Variants in NAALADL2 observed in about 807,000 individuals in gnomAD.
NAALADL2 encodes inactive N-acetylated-alpha-linked acidic dipeptidase-like protein 2.
Under a neutral mutation model 87.2 loss-of-function variants are expected in NAALADL2, and 76 were observed. That is an observed-to-expected ratio of 0.87 (90% CI 0.72 to 1.05). The LOEUF (loss-of-function observed/expected upper bound fraction) is 1.05. NAALADL2 is among the 50% of genes least tolerant of loss of function. NAALADL2 has a pLI of 0.00. For missense variants in NAALADL2, 1,089 were observed against 945.8 expected (o/e 1.15, Z -1.99); for synonymous variants, 354 against 331.0 (o/e 1.07, Z -0.75).
At chr3:174,750,269 C>T (rs1396695511) in intron 3 of NAALADL2, among the ~76,000 whole-genome samples, 4 of 152,086 alleles carry the variant, frequency 2.6e-5, no homozygotes, top group South Asian at 2.1e-4. Flanking sequence ...GGGCAAATAT[C>T]GCCAGCCTAT....
intron 5 of NAALADL2, among the ~76,000 whole-genome samples, chr3:175,336,827 C>A (rs2042125): frequency 0.76 from 114,851 of 152,110 alleles, 43,617 homozygotes; most frequent in Non-Finnish European, 0.81. Flanking sequence ...TTTGAACAAA[C>A]CTCTTAAACA....
At chr3:175,238,716 C>G (rs1291539030) in intron 3 of NAALADL2, among the ~76,000 whole-genome samples, 2 of 152,080 alleles carry the variant, frequency 1.3e-5, no homozygotes, top group African/African-American at 4.8e-5. Flanking sequence ...CTCACATGTT[C>G]TAATAGATAA....
intron 3 of NAALADL2, among the ~76,000 whole-genome samples, chr3:175,242,994 A>G (rs1747210791): frequency 6.6e-6 from 1 of 152,180 alleles, no homozygotes; most frequent in Non-Finnish European, 1.5e-5. Flanking sequence ...CACAGGGGAC[A>G]TGAATGGTTA....
intron 5 of NAALADL2, among the ~76,000 whole-genome samples, chr3:175,428,299 C>T (rs1039795247): frequency 2.0e-5 from 3 of 151,974 alleles, no homozygotes; most frequent in Non-Finnish European, 4.4e-5. Context: ...TTGAAGAAAA[C>T]GAAACTCCTT....
chr3:174,851,145 C>T (rs1224163358), intron 3 of NAALADL2, among the ~76,000 whole-genome samples: 2 of 151,810 alleles, frequency 1.3e-5, no homozygotes, highest in African/African-American at 4.8e-5. Context: ...ACAATAAATG[C>T]CTTCATCAAA....
chr3:175,076,182 T>G (rs576396180), intron 1 of NAALADL2, among the ~76,000 whole-genome samples: 2 of 152,230 alleles, frequency 1.3e-5, no homozygotes, highest in African/African-American at 4.8e-5. Context: ...GAGCTGAGAT[T>G]GCGCCACTGC....
At chr3:175,434,067 T>G (rs9851431) in intron 5 of NAALADL2, among the ~76,000 whole-genome samples, 114,586 of 151,684 alleles carry the variant, frequency 0.76, 43,593 homozygotes, top group East Asian at 0.87. Flanking sequence ...GAGCAAAAAT[T>G]AATTTTAATA....
chr3:174,462,693 C>A (rs1161503594), intron 1 of NAALADL2, among the ~76,000 whole-genome samples: 1 of 152,066 alleles, frequency 6.6e-6, no homozygotes, highest in Non-Finnish European at 1.5e-5. Flanking sequence ...ATGGCACTTT[C>A]TTGAAGTGAA....
Position 174,603,338 on chromosome 3 carries a change from T to G in NAALADL2, c.-115+52701T>G, listed in dbSNP as rs145617828. ...GGATTTCTTCATGGTTTCATCTTGG[T>G]AGGTTGTATGTGTCTAAATTTGTCC... On this transcript the variant is annotated intron_variant, in intron 2 of 3. Coordinates refer to the NAALADL2 transcript ENST00000434257. Among the ~76,000 whole-genome samples, 5 of 152,134 alleles carry G rather than the reference T, an allele frequency of 3.3e-5. 1 individual carries two copies. The highest frequency in any genetic ancestry group is 3.3e-4 in the Admixed American group (5 of 15,288).
At chr3:175,116,370 G>A (rs1407637357) in intron 2 of NAALADL2, among the ~76,000 whole-genome samples, 10 of 152,132 alleles carry the variant, frequency 6.6e-5, no homozygotes, top group Non-Finnish European at 1.2e-4. Context: ...ATGCTGATAA[G>A]CAAATTCAGC....
At chr3:175,582,295 T>A (rs2149577264) in intron 10 of NAALADL2, among the ~76,000 whole-genome samples, 1 of 152,260 alleles carries the variant, frequency 6.6e-6, no homozygotes, top group South Asian at 2.1e-4. Flanking sequence ...TACTTCAAAT[T>A]GCCTAATATT....
intron 10 of NAALADL2, among the ~76,000 whole-genome samples, chr3:175,598,439 T>C (rs934834645): frequency 2.0e-5 from 3 of 151,926 alleles, no homozygotes; most frequent in Admixed American, 2.0e-4. Flanking sequence ...ATTTTCTTAA[T>C]GTTAATAATA....
intron 1 of NAALADL2, among the ~76,000 whole-genome samples, chr3:174,933,670 C>A (rs1186504163): frequency 6.6e-6 from 1 of 152,094 alleles, no homozygotes; most frequent in Admixed American, 6.5e-5. Flanking sequence ...AACTAAGTAA[C>A]CATTTTGCTG....
At chr3:175,051,581 A>G (rs528670693) in intron 1 of NAALADL2, among the ~76,000 whole-genome samples, 6 of 152,336 alleles carry the variant, frequency 3.9e-5, no homozygotes, top group African/African-American at 1.4e-4. Flanking sequence ...TCAGCAGAAG[A>G]GTCTCTCGAT....
At chr3:175,555,182 G>A (rs923191044) in intron 9 of NAALADL2, among the ~76,000 whole-genome samples, 2 of 152,158 alleles carry the variant, frequency 1.3e-5, no homozygotes, top group African/African-American at 4.8e-5. Flanking sequence ...ATGAGGGAAT[G>A]ATACAGTACT....
chr3:174,654,312 C>G (rs746796633), intron 2 of NAALADL2, among the ~76,000 whole-genome samples: 1 of 152,014 alleles, frequency 6.6e-6, no homozygotes, highest in African/African-American at 2.4e-5. Flanking sequence ...TGACATTTGA[C>G]TTTTCAAAGC....
intron 1 of NAALADL2, among the ~76,000 whole-genome samples, chr3:174,890,071 C>A (rs1392671614): frequency 6.6e-6 from 1 of 152,102 alleles, no homozygotes; most frequent in African/African-American, 2.4e-5. Context: ...CATGAATGTC[C>A]TTGAGATAAT....
intron 1 of NAALADL2, among the ~76,000 whole-genome samples, chr3:175,080,861 T>C (rs2109237386): frequency 6.6e-6 from 1 of 152,322 alleles, no homozygotes; most frequent in South Asian, 2.1e-4. Context: ...AACTATGTTG[T>C]GTAATTTTAA....
At chr3:175,659,764 T>C (rs1731992454) in intron 11 of NAALADL2, among the ~76,000 whole-genome samples, 1 of 152,174 alleles carries the variant, frequency 6.6e-6, no homozygotes, top group African/African-American at 2.4e-5. Flanking sequence ...TTGAGATTTC[T>C]GTATCACACC....
Sources: gnomAD v4.1 joint callset for allele counts (sites outside exome capture counted in the v4.1 genomes callset) on GRCh38, gnomAD v4.1.1 for gene constraint, MANE v1.5 for transcripts, NCBI Gene and HGNC (gene_info 2026-07-23, HGNC 2026-07-21) for gene names.